Variants in ZCCHC7 observed in about 807,000 individuals in gnomAD.
ZCCHC7 encodes zinc finger CCHC domain-containing protein 7.
In ZCCHC7, 35 loss-of-function variants were observed where a neutral mutation model predicts 52.0. The observed-to-expected ratio is 0.67, with a 90% CI of 0.51 to 0.89. The LOEUF is 0.89. Among genes scored for constraint, ZCCHC7 ranks in the 40% least tolerant of loss-of-function variants. The pLI is 0.00. For missense variants in ZCCHC7, 574 were observed against 649.1 expected, an observed-to-expected ratio of 0.88 and a Z score of 1.26; for synonymous variants, 217 against 221.5, an observed-to-expected ratio of 0.98 and a Z score of 0.18.
chr9:37,262,562 G>A (rs545765786), intron 2 of ZCCHC7, among the ~76,000 whole-genome samples: 22 of 152,226 alleles, frequency 1.4e-4, no homozygotes, highest in Non-Finnish European at 2.5e-4. Context: ...AGGGATTCGC[G>A]TCTTCACAGT....
chr9:37,330,745 A>G (rs1830420094), intron 6 of ZCCHC7, among the ~76,000 whole-genome samples: 2 of 151,554 alleles, frequency 1.3e-5, no homozygotes, highest in Non-Finnish European at 1.5e-5. Flanking sequence ...CATCTTTCAA[A>G]TAACTCATTC....
intron 2 of ZCCHC7, among the ~76,000 whole-genome samples, chr9:37,295,874 G>T (rs575751890): frequency 6.6e-6 from 1 of 152,252 alleles, no homozygotes; most frequent in South Asian, 2.1e-4. Flanking sequence ...AAGAAAATGG[G>T]TAAAGTATGG....
rs370180832 is a variant in ZCCHC7, at chr9:37,306,653, C to T, written c.951+939C>T. 2.0e-4 allele frequency among the ~76,000 whole-genome samples: 28 copies of T among 138,900 alleles called. 1 individual carries two copies. In the East Asian group the frequency reaches 6.1e-3, roughly 30 times the overall value. 91.1% of individuals were successfully genotyped at this position (138,900 alleles called of 152,430 possible). ...GCTAATTTTTTATTTTTAGTAGATA[C>T]GGGGTTTCACCACGTTGGCCAGGAT... On this transcript the variant is annotated intron_variant, in intron 5 of 8. Transcript: ENST00000336755.
intron 2 of ZCCHC7, among the ~76,000 whole-genome samples, chr9:37,262,464 T>C (rs1196980582): frequency 6.6e-6 from 1 of 152,194 alleles, no homozygotes; most frequent in Non-Finnish European, 1.5e-5. Flanking sequence ...ATACTTCATG[T>C]GTGGTTTTGA....
chr9:37,303,715 G>A (rs1404898930), intron 3 of ZCCHC7, among the ~76,000 whole-genome samples: 2 of 134,530 alleles, frequency 1.5e-5, no homozygotes, highest in Non-Finnish European at 3.1e-5. Context: ...CCAGGCTGGA[G>A]TACAATGGCA....
At chr9:37,322,620 C>T (rs950527104) in intron 5 of ZCCHC7, among the ~76,000 whole-genome samples, 4 of 149,560 alleles carry the variant, frequency 2.7e-5, no homozygotes, top group South Asian at 4.3e-4. Context: ...CTAAAAACAT[C>T]GAGTAGACTT....
At chr9:37,216,613 G>A (rs905395200) in intron 2 of ZCCHC7, among the ~76,000 whole-genome samples, 12 of 152,272 alleles carry the variant, frequency 7.9e-5, no homozygotes, top group African/African-American at 2.9e-4. Context: ...GGCAGAGGTT[G>A]CAGTGAGCCA....
intron 2 of ZCCHC7, among the ~76,000 whole-genome samples, chr9:37,141,076 A>G (rs1319651752): frequency 6.6e-6 from 1 of 151,926 alleles, no homozygotes; most frequent in Non-Finnish European, 1.5e-5. Context: ...GGAAATCTCA[A>G]AAGATCTTTA....
At chr9:37,144,147 T>C (rs1843340508) in intron 2 of ZCCHC7, among the ~76,000 whole-genome samples, 1 of 151,878 alleles carries the variant, frequency 6.6e-6, no homozygotes, top group Non-Finnish European at 1.5e-5. Context: ...TTTCAGTGAT[T>C]AGACTTTGTG....
chr9:37,352,853 G>A (rs1019866077), intron 7 of ZCCHC7, among the ~76,000 whole-genome samples: 16 of 151,682 alleles, frequency 1.1e-4, no homozygotes, highest in African/African-American at 3.9e-4. Context: ...TACCATGTAA[G>A]TTTGCCATAT....
chr9:37,305,741 G>C (rs755277216), intron 5 of ZCCHC7, 27 bp downstream of exon 5: 5 of 1,608,332 alleles, frequency 3.1e-6, no homozygotes, highest in Non-Finnish European at 4.3e-6. Flanking sequence ...TAACTAATTT[G>C]TCAGGCTTTG....
At chr9:37,214,347 G>GAA (rs1032993248) in intron 2 of ZCCHC7, among the ~76,000 whole-genome samples, 2 of 151,992 alleles carry the variant, frequency 1.3e-5, no homozygotes, top group Non-Finnish European at 2.9e-5. Context: ...TAGATACATA[G>GAA]AAAGGGACAT....
At chr9:37,313,742 C>T (rs1377322158) in intron 5 of ZCCHC7, among the ~76,000 whole-genome samples, 2 of 152,174 alleles carry the variant, frequency 1.3e-5, no homozygotes, top group African/African-American at 4.8e-5. Context: ...CTCTCTTTCT[C>T]TCCTGCCAAC....
chr9:37,139,263 T>C (rs981095180), intron 2 of ZCCHC7, among the ~76,000 whole-genome samples: 7 of 152,020 alleles, frequency 4.6e-5, no homozygotes, highest in African/African-American at 1.7e-4. Context: ...TTTGGCATTT[T>C]GAGTTACTTG....
chr9:37,209,155 C>G (rs1393412231), intron 2 of ZCCHC7, among the ~76,000 whole-genome samples: 1 of 152,076 alleles, frequency 6.6e-6, no homozygotes, highest in East Asian at 1.9e-4. Flanking sequence ...ATTTGCCTGC[C>G]TCAGTCTCCC....
At chr9:37,293,792 C>A (rs1281477470) in intron 2 of ZCCHC7, among the ~76,000 whole-genome samples, 3 of 149,578 alleles carry the variant, frequency 2.0e-5, no homozygotes, top group African/African-American at 7.3e-5. Flanking sequence ...GGAGATGAGG[C>A]CTTCTCTCTC....
At position 37,310,960 on chromosome 9, in the gene ZCCHC7, A is replaced by T. The variant is rs866875947; in HGVS notation, c.951+5246A>T. 1.5e-3 allele frequency among the ~76,000 whole-genome samples: 157 copies of T among 104,172 alleles called. No individual in the cohort carries two copies. The Middle Eastern group carries it at 0.023, about 15-fold the overall frequency. 68.3% of individuals were successfully genotyped at this position (104,172 alleles called of 152,430 possible). A position where few individuals can be genotyped will look rare whatever the true frequency, so the allele number is the denominator to read the frequency against. On this transcript the variant is annotated intron_variant, in intron 5 of 8. Coordinates refer to ENST00000336755, the MANE Select transcript of ZCCHC7 (RefSeq NM_032226.3). ...TGACAGTGTAAGACTCTCTCTTTTT[A>T]AAAAAAAAAAAAAAAAAAAATCAAT... is the stretch of plus-strand genomic sequence containing the variant.
At chr9:37,173,186 A>G (rs1302119089) in intron 2 of ZCCHC7, among the ~76,000 whole-genome samples, 2 of 152,266 alleles carry the variant, frequency 1.3e-5, no homozygotes, top group African/African-American at 4.8e-5. Context: ...GACTTGAGTT[A>G]GCAATGTCGG....
intron 1 of ZCCHC7, among the ~76,000 whole-genome samples, chr9:37,124,602 G>T (rs1032981411): frequency 6.6e-6 from 1 of 152,252 alleles, no homozygotes; most frequent in Non-Finnish European, 1.5e-5. Flanking sequence ...TTATAAATGT[G>T]ATGAGTGTTT....
Sources: allele counts gnomAD v4.1 joint callset (sites outside exome capture counted in the v4.1 genomes callset), GRCh38; gene constraint gnomAD v4.1.1; transcripts MANE v1.5; gene names NCBI Gene and HGNC (gene_info 2026-07-23, HGNC 2026-07-21).